ARAP2: variants seen among roughly 807,000 people sequenced by gnomAD.
ARAP2 encodes arf-GAP with Rho-GAP domain, ANK repeat and PH domain-containing protein 2.
In ARAP2, 148 loss-of-function variants were observed where a neutral mutation model predicts 194.5. The observed-to-expected ratio is 0.76, with a 90% CI of 0.67 to 0.87. ARAP2 has a LOEUF of 0.87. Ranked by LOEUF, ARAP2 falls within the 40% of genes least tolerant of loss-of-function variation. ARAP2 has a pLI of 0.00. For synonymous variants in ARAP2, 695 were observed against 683.5 expected (o/e 1.02, Z -0.26); for missense variants, 2,128 against 1,989.7 (o/e 1.07, Z -1.32).
intron 6 of ARAP2, among the ~76,000 whole-genome samples, chr4:36,017,491 C>T (rs11737059): frequency 0.31 from 41,089 of 134,348 alleles, 6,734 homozygotes; most frequent in East Asian, 0.51. Context: ...AGGAGTTACT[C>T]TTTTACAAAA....
At chr4:36,078,949 G>A (rs764971375) in intron 31 of ARAP2, among the ~76,000 whole-genome samples, 14 of 151,922 alleles carry the variant, frequency 9.2e-5, no homozygotes, top group Non-Finnish European at 1.3e-4. Flanking sequence ...CAAGGTGGGC[G>A]GATCACCTGA....
At chr4:36,027,720 C>A (rs1718173583) in intron 5 of ARAP2, among the ~76,000 whole-genome samples, 1 of 152,086 alleles carries the variant, frequency 6.6e-6, no homozygotes, top group Admixed American at 6.6e-5. Context: ...CATCATGACA[C>A]AGAGAGGTTA....
At chr4:36,192,766 G>C (rs1332408200) in intron 7 of ARAP2, among the ~76,000 whole-genome samples, 2 of 152,204 alleles carry the variant, frequency 1.3e-5, no homozygotes, top group Non-Finnish European at 2.9e-5. Context: ...GGGAGGCCAA[G>C]GCGGCAGATC....
intron 27 of ARAP2, among the ~76,000 whole-genome samples, chr4:36,107,302 T>A (rs1471374814): frequency 6.6e-6 from 1 of 151,994 alleles, no homozygotes; most frequent in African/African-American, 2.4e-5. Context: ...ATAAGCATGG[T>A]AAACAACCTT....
intron 26 of ARAP2, among the ~76,000 whole-genome samples, chr4:36,108,004 T>C (rs1007538840): frequency 6.6e-6 from 1 of 151,948 alleles, no homozygotes; most frequent in South Asian, 2.1e-4. Flanking sequence ...TTTTGTATAA[T>C]AAATTCTACC....
chr4:36,055,408 CT>C (rs1352105188), intron 2 of ARAP2, among the ~76,000 whole-genome samples: 2 of 152,128 alleles, frequency 1.3e-5, no homozygotes, highest in African/African-American at 4.8e-5. Flanking sequence ...CATCGCATCT[CT>C]GGTAATTTGA....
intron 2 of ARAP2, among the ~76,000 whole-genome samples, chr4:36,224,843 C>T (rs1055698977): frequency 2.0e-5 from 3 of 152,000 alleles, no homozygotes; most frequent in Non-Finnish European, 2.9e-5. Context: ...TCTACTATAA[C>T]GTGAAACATA....
intron 5 of ARAP2, among the ~76,000 whole-genome samples, chr4:36,022,184 G>T (rs1717073887): frequency 6.6e-6 from 1 of 152,126 alleles, no homozygotes. Flanking sequence ...TGACTATAGT[G>T]GAGAGGTAGA....
intron 4 of ARAP2, among the ~76,000 whole-genome samples, 189 bp downstream of exon 4, chr4:36,213,054 T>C (rs918477513): frequency 1.3e-5 from 2 of 152,088 alleles, no homozygotes; most frequent in African/African-American, 2.4e-5. Context: ...TAAACATGTG[T>C]TCCTATAATG....
chr4:36,183,858 G>A (rs780227077), intron 8 of ARAP2, among the ~76,000 whole-genome samples: 25 of 152,212 alleles, frequency 1.6e-4, no homozygotes, highest in Non-Finnish European at 2.9e-4. Flanking sequence ...ACCAGGGGGT[G>A]ATGGAGCAGT....
chr4:36,009,812 A>G (rs1161154654), intron 9 of ARAP2, among the ~76,000 whole-genome samples: 1 of 145,678 alleles, frequency 6.9e-6, no homozygotes, highest in Non-Finnish European at 1.5e-5. Context: ...CCAGATGGAG[A>G]AGGCAATTCT....
At chr4:36,152,032 G>A (rs115919368) in intron 15 of ARAP2, among the ~76,000 whole-genome samples, 3,367 of 152,170 alleles carry the variant, frequency 0.022, 51 homozygotes, top group Middle Eastern at 0.048. Flanking sequence ...AGAATCTTAG[G>A]TGGGTGTGGG....
At chr4:36,142,666 C>T (rs1374932157) in intron 19 of ARAP2, among the ~76,000 whole-genome samples, 1 of 151,496 alleles carries the variant, frequency 6.6e-6, no homozygotes, top group Admixed American at 6.6e-5. Context: ...GGCTTTGTAA[C>T]ACTTTGTACT....
chr4:36,150,235 G>T (rs796263934), intron 16 of ARAP2, among the ~76,000 whole-genome samples: 1 of 152,066 alleles, frequency 6.6e-6, no homozygotes, highest in African/African-American at 2.4e-5. Context: ...TTTCTTACCT[G>T]TTTTAATTAT....
intron 15 of ARAP2, 118 bp from the exon 16 acceptor site, chr4:36,151,162 A>G (rs1372171373): frequency 9.8e-6 from 9 of 917,336 alleles, no homozygotes; most frequent in Non-Finnish European, 1.4e-5. Flanking sequence ...TTAATTTCCT[A>G]TTTCACATAA....
intron 19 of ARAP2, among the ~76,000 whole-genome samples, chr4:36,134,048 T>C (rs1257414895): frequency 6.6e-6 from 1 of 151,760 alleles, no homozygotes; most frequent in Non-Finnish European, 1.5e-5. Flanking sequence ...GGAATGACAA[T>C]CAGACTTTTT....
chr4:36,157,797 T>TTA (rs139585079), intron 15 of ARAP2, among the ~76,000 whole-genome samples: 6,045 of 150,988 alleles, frequency 0.04, 166 homozygotes, highest in East Asian at 0.13. Context: ...TTAGGATATA[T>TTA]TATATATATA....
Position 36,109,452 on chromosome 4 carries a change from C to A in ARAP2, c.4157-1759G>T, listed in dbSNP as rs532674297. On this transcript the variant is annotated intron_variant, in intron 26 of 32. Coordinates refer to ENST00000303965, the MANE Select transcript of ARAP2 (RefSeq NM_015230.4). ...TTATTTTCTTTGATGGCCCATAAAT[C>A]AAAAAAACATATTAACAGAAAGACT... Among the ~76,000 whole-genome samples the A allele has an allele frequency of 1.1e-4, 16 of 151,624 alleles. No homozygotes were observed. In the East Asian group the frequency reaches 3.1e-3, roughly 30 times the overall value.
chr4:36,231,229 G>A (rs534133777), intron 1 of ARAP2, among the ~76,000 whole-genome samples: 4 of 152,182 alleles, frequency 2.6e-5, no homozygotes, highest in Non-Finnish European at 4.4e-5. Context: ...CCAGCTACTC[G>A]GGAGGCTGAG....
Sources: gnomAD v4.1 joint callset for allele counts (sites outside exome capture counted in the v4.1 genomes callset) on GRCh38, gnomAD v4.1.1 for gene constraint, MANE v1.5 for transcripts, NCBI Gene and HGNC (gene_info 2026-07-23, HGNC 2026-07-21) for gene names.